ADGRV1: variants seen among roughly 807,000 people sequenced by gnomAD.
The protein encoded by ADGRV1 is G-protein coupled receptor 98.
In ADGRV1, 359 loss-of-function variants were observed where a neutral mutation model predicts 596.2. The observed-to-expected ratio is 0.60, with a 90% confidence interval of 0.55 to 0.66. The LOEUF (loss-of-function observed/expected upper bound fraction) is 0.66. Ranked by LOEUF, ADGRV1 falls within the 30% of genes least tolerant of loss-of-function variation. ADGRV1 has a pLI of 0.00. For synonymous variants in ADGRV1, 2,681 were observed against 2,679.2 expected (o/e 1.00, Z -0.02); for missense variants, 7,274 against 7,575.6 (o/e 0.96, Z 1.48).
rs756954694 is a variant in ADGRV1 at position 90,778,910 on chromosome 5, C to A, written c.12895C>A (p.Arg4299=). 6.2e-7 allele frequency: 1 copy of A among 1,613,086 alleles called. No homozygotes were observed. The highest frequency in any genetic ancestry group is 8.5e-7 in the Non-Finnish European group (1 of 1,179,414). The change falls in exon 64 of 90, where the codon CGA becomes AGA. Residue 4299 remains arginine, a synonymous_variant. Transcript: ENST00000405460. The part of the protein sequence containing the change: ...IRSSGDFGHV[R]LWYKTMSGTA... Reference sequence around the variant, plus strand: ...TTCCAGTGGAGATTTTGGCCATGTGCGACTCTGGTACAAGACGATGAGCGG... The same window carrying A: ...TTCCAGTGGAGATTTTGGCCATGTGAGACTCTGGTACAAGACGATGAGCGG...
chr5:90,934,780 C>T (rs1402107604), intron 83 of ADGRV1, among the ~76,000 whole-genome samples: 4 of 152,152 alleles, frequency 2.6e-5, no homozygotes, highest in African/African-American at 9.7e-5. Flanking sequence ...AAGAGCAGGG[C>T]ACTTACAAAG....
intron 1 of ADGRV1, among the ~76,000 whole-genome samples, chr5:90,588,681 G>A (rs1037463300): frequency 1.3e-5 from 2 of 152,224 alleles, no homozygotes; most frequent in Admixed American, 1.3e-4. Flanking sequence ...CGTGACTCAA[G>A]AAGGAAGAAC....
At chr5:90,988,791 TC>T (rs1237590242) in intron 85 of ADGRV1, among the ~76,000 whole-genome samples, 1 of 54,234 alleles carries the variant, frequency 1.8e-5, no homozygotes, top group East Asian at 6.1e-4. Context: ...CCCTCCCCCC[TC>T]CCCCCACCCC....
intron 87 of ADGRV1, 145 bp downstream of exon 87, chr5:91,102,485 A>C: frequency 1.7e-6 from 1 of 602,336 alleles, no homozygotes; most frequent in Non-Finnish European, 2.6e-6. Flanking sequence ...AAATAAAATG[A>C]TAGGAACCTA....
intron 84 of ADGRV1, among the ~76,000 whole-genome samples, chr5:90,969,951 C>T (rs1052618472): frequency 2.0e-5 from 3 of 152,212 alleles, no homozygotes; most frequent in African/African-American, 4.8e-5. Context: ...GAAGTGCAAG[C>T]GATCAGGGAA....
At chr5:91,096,880 G>T (rs1035895669) in intron 86 of ADGRV1, among the ~76,000 whole-genome samples, 4 of 152,002 alleles carry the variant, frequency 2.6e-5, no homozygotes, top group Non-Finnish European at 4.4e-5. Context: ...TCACTATTCT[G>T]CACTCCTCCC....
chr5:90,584,161 T>C (rs1758435220), intron 1 of ADGRV1, among the ~76,000 whole-genome samples: 1 of 152,218 alleles, frequency 6.6e-6, no homozygotes, highest in African/African-American at 2.4e-5. Flanking sequence ...CTGAGTTTCA[T>C]GTAAAGCAGT....
At chr5:90,797,181 T>C (rs1320117724) in intron 70 of ADGRV1, among the ~76,000 whole-genome samples, 3 of 150,364 alleles carry the variant, frequency 2.0e-5, no homozygotes, top group Non-Finnish European at 4.4e-5. Flanking sequence ...ACTGCCAAAT[T>C]GGATAAAGAG....
chr5:90,629,364 A>G lies in ADGRV1; in HGVS notation c.1664A>G (p.Tyr555Cys), dbSNP rs2149383513. The change falls in exon 9 of 90, where the codon TAT becomes TGT. Residue 555 changes from tyrosine to cysteine, a missense_variant. Around this residue, in one of 5 missense-constraint regions of ADGRV1, gnomAD observed 1,715 missense variants for 1,708.8 expected, o/e 1.00. Coordinates refer to ENST00000405460, the MANE Select transcript of ADGRV1 (RefSeq NM_032119.4). ...GGTKGDVRLLYSVLYIPAGAV... is the reference protein window; with the variant it reads ...GGTKGDVRLLCSVLYIPAGAV... ...ACTAAAGGAGATGTGAGGTTGCTTTATTCTGTACTTTACATTCCTGCTGGA... is the reference window on the plus strand; with the variant it reads ...ACTAAAGGAGATGTGAGGTTGCTTTGTTCTGTACTTTACATTCCTGCTGGA... 1 of 1,613,696 alleles carries G rather than the reference A, an allele frequency of 6.2e-7. No homozygotes were observed.
At chr5:91,026,746 G>T (rs1450913089) in intron 85 of ADGRV1, among the ~76,000 whole-genome samples, 1 of 152,082 alleles carries the variant, frequency 6.6e-6, no homozygotes, top group African/African-American at 2.4e-5. Flanking sequence ...AAATGTGTAA[G>T]AAATAAGTAA....
At chr5:90,896,638 C>T (rs1047282816) in intron 83 of ADGRV1, among the ~76,000 whole-genome samples, 3 of 152,046 alleles carry the variant, frequency 2.0e-5, no homozygotes, top group Admixed American at 1.3e-4. Flanking sequence ...TAACAATTTG[C>T]ACTTTAATAG....
Position 90,853,424 on chromosome 5 carries a change from A to T in ADGRV1, c.17345A>T (p.Asp5782Val). ...RIPERLLDVQDAEIMAGKSTC... is the reference protein window; with the variant it reads ...RIPERLLDVQVAEIMAGKSTC... ...CCAGAGAGGCTACTGGATGTCCAGG[A>T]TGCAGAAATAATGGCTGGGAAAAGT... The change falls in exon 80 of 90, where the codon GAT becomes GTT. Residue 5782 changes from aspartate (D) to valine (V), a missense_variant. By Grantham distance (152) the Asp-to-Val change is radical. Around this residue, in one of 5 missense-constraint regions of ADGRV1, gnomAD observed 1,874 missense variants for 1,970.2 expected, o/e 0.95. Coordinates refer to ENST00000405460, the MANE Select transcript of ADGRV1 (RefSeq NM_032119.4). 4 of 1,613,572 alleles carry T rather than the reference A, an allele frequency of 2.5e-6. No individual in the cohort carries two copies. Among genetic ancestry groups the T allele is most frequent in the South Asian group, 2.2e-5 (2 of 91,064 alleles).
chr5:90,818,937 G>A (rs1763189994), intron 75 of ADGRV1, among the ~76,000 whole-genome samples: 3 of 151,402 alleles, frequency 2.0e-5, no homozygotes, highest in Non-Finnish European at 4.4e-5. Flanking sequence ...CATAAAATGA[G>A]TTAGGGAGGA....
At chr5:91,113,861 G>A (rs112205321) in intron 87 of ADGRV1, among the ~76,000 whole-genome samples, 257 of 152,038 alleles carry the variant, frequency 1.7e-3, no homozygotes, top group African/African-American at 4.8e-3. Context: ...AGAGGTTGCA[G>A]TGAGCCGAGA....
At chr5:91,124,203 T>A (rs181142641) in intron 87 of ADGRV1, among the ~76,000 whole-genome samples, 33 of 152,300 alleles carry the variant, frequency 2.2e-4, no homozygotes, top group Non-Finnish European at 8.8e-5. Context: ...CCATTATTCA[T>A]TACAGTGAGT....
intron 22 of ADGRV1, among the ~76,000 whole-genome samples, chr5:90,673,530 A>G (rs1322989481): frequency 6.6e-6 from 1 of 152,148 alleles, no homozygotes; most frequent in Non-Finnish European, 1.5e-5. Context: ...TAAACAACAG[A>G]AAGTTATTGC....
rs888866462 is a variant in ADGRV1 at position 90,676,096 on chromosome 5, T to G, written c.5330T>G (p.Leu1777Ter). ...ATATTTCAGAATGTTGCTGGCACATTAGAATTTCAACCAGGAGAAAGATAT... is the reference window on the plus strand; with the variant it reads ...ATATTTCAGAATGTTGCTGGCACATGAGAATTTCAACCAGGAGAAAGATAT... Reference protein sequence around the residue: ...PEDYQNVAGTLEFQPGERYKY... With the variant: ...PEDYQNVAGT The change falls in exon 25 of 90, where the codon TTA (leucine) becomes TGA (stop). Residue 1777 changes from leucine (L) to a stop codon, truncating the protein, a stop_gained. Coordinates refer to ENST00000405460, the MANE Select transcript of ADGRV1 (RefSeq NM_032119.4). LOFTEE classifies it high-confidence loss of function. The G allele has an allele frequency of 6.2e-7, 1 of 1,601,094 alleles. No individual in the cohort carries two copies. Among genetic ancestry groups the G allele is most frequent in the Non-Finnish European group, 8.5e-7 (1 of 1,172,124 alleles).
intron 85 of ADGRV1, 79 bp from the exon 86 acceptor site, chr5:91,072,368 G>A (rs1788464739): frequency 1.6e-6 from 2 of 1,244,290 alleles, no homozygotes; most frequent in South Asian, 1.2e-5. Context: ...CTAGTATAAA[G>A]TAGTGATGTG....
At chr5:90,976,061 T>C (rs976262351) in intron 84 of ADGRV1, among the ~76,000 whole-genome samples, 3 of 151,776 alleles carry the variant, frequency 2.0e-5, no homozygotes, top group Non-Finnish European at 4.4e-5. Context: ...TTTCTCACTA[T>C]TTCTTGCATT....
Sources: gnomAD v4.1 joint callset for allele counts (sites outside exome capture counted in the v4.1 genomes callset) on GRCh38, gnomAD v4.1.1 for gene constraint, gnomAD v4.1.1 regional missense constraint, MANE v1.5 for transcripts, NCBI Gene and HGNC (gene_info 2026-07-23, HGNC 2026-07-21) for gene names.